The following RUBCNL variants were observed in gnomAD, a reference collection of about 807,000 sequenced individuals.
RUBCNL encodes rubicon like autophagy enhancer.
A neutral mutation model predicts 69.5 loss-of-function variants in RUBCNL; 62 were observed. That is an observed-to-expected ratio of 0.89 (90% CI 0.73 to 1.10). The LOEUF (loss-of-function observed/expected upper bound fraction) is 1.10. Ranked by LOEUF, RUBCNL falls within the 50% of genes least tolerant of loss-of-function variation. RUBCNL has a pLI of 0.00. For missense variants in RUBCNL, 768 were observed against 798.1 expected (o/e 0.96, Z 0.45); for synonymous variants, 291 against 303.6 (o/e 0.96, Z 0.43).
Position 46,359,540 on chromosome 13 carries a change from T to C in RUBCNL, c.1211A>G (p.Glu404Gly). 7 of 1,595,648 alleles carry C rather than the reference T, an allele frequency of 4.4e-6. No individual in the cohort carries two copies. Among genetic ancestry groups the C allele is most frequent in the Non-Finnish European group, 6.0e-6 (7 of 1,170,310 alleles). Residue 404 changes from glutamate to glycine, a missense_variant, in exon 9 of 15, where the codon GAA becomes GGA. Transcript: ENST00000429979. ...IKFKSRIRGTEDWAPPRFQII... is the reference protein window; with the variant it reads ...IKFKSRIRGTGDWAPPRFQII... Reference sequence around the variant, plus strand: ...TTGAAATCTAGGAGGAGCCCAGTCTTCAGTCCCTCTGATCCTAGACTTAAA... The same window carrying C: ...TTGAAATCTAGGAGGAGCCCAGTCTCCAGTCCCTCTGATCCTAGACTTAAA...
At chr13:46,354,576 C>G (rs1241462745) in intron 10 of RUBCNL, among the ~76,000 whole-genome samples, 1 of 152,212 alleles carries the variant, frequency 6.6e-6, no homozygotes, top group South Asian at 2.1e-4. Flanking sequence ...TCTGGCCACA[C>G]AGGGTTTCTT....
Position 46,363,194 on chromosome 13 carries a change from G to T in RUBCNL, c.846C>A (p.Val282=). The change falls in exon 6 of 15, where the codon GTC becomes GTA. Residue 282 remains valine (V), a synonymous_variant. Coordinates refer to ENST00000429979, the MANE Select transcript of RUBCNL (RefSeq NM_025113.5). ...AAGTACGTGTTTCAGTCACTGGGCTGACCTGTAACACAGCACAACCTAGAC... is the reference window on the plus strand; with the variant it reads ...AAGTACGTGTTTCAGTCACTGGGCTTACCTGTAACACAGCACAACCTAGAC... ...SGYEGCAVLQ[V]SPVTETRTYH... is the part of the protein sequence containing the mutation. 6.3e-7 allele frequency: 1 copy of T among 1,585,990 alleles called. No individual in the cohort carries two copies. The highest frequency in any genetic ancestry group is 1.1e-5 in the South Asian group (1 of 87,744).
chr13:46,387,253 A>G, upstream of RUBCNL: 1 of 985,152 alleles, frequency 1.0e-6, no homozygotes, highest in Non-Finnish European at 1.2e-6. Context: ...CAGAAAGGGG[A>G]GGGAGGAGAG....
rs1566058011 is a variant in RUBCNL, at chr13:46,341,926, A to C, written c.*1459T>G. 6.6e-6 allele frequency: 1 copy of C among 152,238 alleles called. No homozygotes were observed. The highest frequency in any genetic ancestry group is 1.5e-5 in the Non-Finnish European group (1 of 68,032). The allele number at this position is 152,238 out of a possible 1,614,324, so 9.4% of individuals were successfully genotyped here. On this transcript the variant is annotated 3_prime_UTR_variant, in exon 15 of 15. Coordinates refer to ENST00000429979, the MANE Select transcript of RUBCNL (RefSeq NM_025113.5). ...TGGAGATATAGACATCTGCCTCAGA[A>C]AGGAATGTGAACATACCACTCTTAC... is the stretch of plus-strand genomic sequence containing the variant.
chr13:46,345,737 A>T, intron 12 of RUBCNL, 137 bp from the exon 13 acceptor site: 1 of 831,182 alleles, frequency 1.2e-6, no homozygotes, highest in South Asian at 2.0e-5. Context: ...AGCTCCAAGA[A>T]CAACAGTGAA....
At chr13:46,361,413 T>A (rs763202695) in intron 8 of RUBCNL, 28 bp downstream of exon 8, 3 of 1,611,158 alleles carry the variant, frequency 1.9e-6, no homozygotes, top group African/African-American at 2.7e-5. Context: ...GAACTTTCAA[T>A]TCAAGGTCAA....
chr13:46,356,521 T>C, intron 9 of RUBCNL, 25 bp from the exon 10 acceptor site: 1 of 1,605,436 alleles, frequency 6.2e-7, no homozygotes, highest in Non-Finnish European at 8.5e-7. Flanking sequence ...TAATACTAGT[T>C]ACATTTCAGA....
chr13:46,388,199 C>CAAAAAAAAAA (rs71074779), upstream of RUBCNL, among the ~76,000 whole-genome samples: 40 of 68,200 alleles, frequency 5.9e-4, no homozygotes, highest in South Asian at 8.7e-4. Flanking sequence ...GCAAGACTGT[C>CAAAAAAAAAA]AAAAAAAAAA....
In RUBCNL at chr13:46,339,046, C is replaced by CA. The variant is rs57707207; in HGVS notation, c.*4338dup. Among the ~76,000 whole-genome samples, 12,458 of 128,714 alleles carry CA rather than the reference C, an allele frequency of 0.097. 1,156 individuals are homozygous for CA. The highest frequency in any genetic ancestry group is 0.34 in the East Asian group (1,521 of 4,524). 84.4% of individuals were successfully genotyped at this position (128,714 alleles called of 152,430 possible). ...TGGGCGACAGAGCGAGACCCTGTCTCAAAAAAAAAAAAAAAAGTGCAAGGA... is the reference window on the plus strand; with the variant it reads ...TGGGCGACAGAGCGAGACCCTGTCTCAAAAAAAAAAAAAAAAAGTGCAAGGA... On this transcript the variant is annotated 3_prime_UTR_variant, in exon 15 of 15. Transcript: ENST00000429979.
chr13:46,343,923 C>T (rs1044185749), intron 14 of RUBCNL, among the ~76,000 whole-genome samples: 3 of 152,108 alleles, frequency 2.0e-5, no homozygotes, highest in Admixed American at 6.6e-5. Flanking sequence ...GTGAGTAGGC[C>T]GGCCCCAATT....
chr13:46,356,587 T>C lies in RUBCNL; in HGVS notation c.1266-91A>G. 8 of 1,049,798 alleles carry C rather than the reference T, an allele frequency of 7.6e-6. No individual in the cohort carries two copies. The South Asian group carries it at 1.1e-4, about 15-fold the overall frequency. The allele number at this position is 1,049,798 out of a possible 1,614,324, so 65.0% of individuals were successfully genotyped here. A position where few individuals can be genotyped will look rare whatever the true frequency, so the allele number is the denominator to read the frequency against. Reference sequence around the variant, plus strand: ...GAAAAGAAATTGCCATCGTGATACTTTTCTAACTAAGGGCCTTAACTTTGT... The same window carrying C: ...GAAAAGAAATTGCCATCGTGATACTCTTCTAACTAAGGGCCTTAACTTTGT... On this transcript the variant is annotated intron_variant, in intron 9 of 14. Transcript: ENST00000429979.
In RUBCNL at chr13:46,362,232, G is replaced by A. The variant is rs187742; in HGVS notation, c.986+306C>T. Among the ~76,000 whole-genome samples the A allele has an allele frequency of 7.9e-5, 12 of 151,952 alleles. No homozygotes were observed. The East Asian group carries it at 1.9e-3, about 24-fold the overall frequency. On this transcript the variant is annotated intron_variant, in intron 7 of 14. Coordinates refer to ENST00000429979, the MANE Select transcript of RUBCNL (RefSeq NM_025113.5). Reference sequence around the variant, plus strand: ...ACCCTGGGTGACAAGAGCAAAACTCGGTCTCAAAAACAACAACAACAAAAA... The same window carrying A: ...ACCCTGGGTGACAAGAGCAAAACTCAGTCTCAAAAACAACAACAACAAAAA...
intron 5 of RUBCNL, among the ~76,000 whole-genome samples, chr13:46,363,980 T>C (rs749657559): frequency 6.0e-5 from 9 of 150,494 alleles, no homozygotes; most frequent in Non-Finnish European, 1.2e-4. Context: ...ATTATTAATA[T>C]AATTATATAA....
chr13:46,378,695 T>C (rs530572553), intron 1 of RUBCNL: 2 of 152,392 alleles, frequency 1.3e-5, no homozygotes, highest in South Asian at 2.1e-4. Context: ...AGTGCCACCA[T>C]GATGCCTACG....
Position 46,343,064 on chromosome 13 carries a change from A to C in RUBCNL, c.*321T>G. Reference sequence around the variant, plus strand: ...TAATTCATCTTGTCAGTTACAGTTCACATATATGCACACACATACAAACTG... The same window carrying C: ...TAATTCATCTTGTCAGTTACAGTTCCCATATATGCACACACATACAAACTG... On this transcript the variant is annotated 3_prime_UTR_variant, in exon 15 of 15. Coordinates refer to ENST00000429979, the MANE Select transcript of RUBCNL (RefSeq NM_025113.5). 1 of 322,816 alleles carries C rather than the reference A, an allele frequency of 3.1e-6. No homozygotes were observed. Among genetic ancestry groups the C allele is most frequent in the Non-Finnish European group, 5.7e-6 (1 of 176,178 alleles). 20.0% of individuals were successfully genotyped at this position (322,816 alleles called of 1,614,324 possible). A position where few individuals can be genotyped will look rare whatever the true frequency, so the allele number is the denominator to read the frequency against.
intron 11 of RUBCNL, 98 bp from the exon 12 acceptor site, chr13:46,349,445 C>T (rs1353096401): frequency 2.6e-6 from 3 of 1,175,372 alleles, no homozygotes; most frequent in South Asian, 1.3e-5. Flanking sequence ...GCTTGAAATG[C>T]TGCACTTGTA....
chr13:46,348,788 G>T (rs944803889), intron 12 of RUBCNL, among the ~76,000 whole-genome samples: 1 of 152,062 alleles, frequency 6.6e-6, no homozygotes, highest in Non-Finnish European at 1.5e-5. Context: ...AATTTTAGTA[G>T]AGACAGAGTT....
rs1262923760 is a variant in RUBCNL at position 46,339,075 on chromosome 13, A to T, written c.*4310T>A. 6.6e-6 allele frequency among the ~76,000 whole-genome samples: 1 copy of T among 151,908 alleles called. No individual in the cohort carries two copies. The highest frequency in any genetic ancestry group is 2.4e-5 in the African/African-American group (1 of 41,366). ...AAAAAAAAAAAAAGTGCAAGGAAAAATACACAATTTGCTTAACCTATGTGG... is the reference window on the plus strand; with the variant it reads ...AAAAAAAAAAAAAGTGCAAGGAAAATTACACAATTTGCTTAACCTATGTGG... On this transcript the variant is annotated 3_prime_UTR_variant, in exon 15 of 15. Coordinates refer to ENST00000429979, the MANE Select transcript of RUBCNL (RefSeq NM_025113.5).
chr13:46,370,697 C>T (rs190571695), intron 3 of RUBCNL, among the ~76,000 whole-genome samples: 2 of 152,220 alleles, frequency 1.3e-5, no homozygotes, highest in Admixed American at 6.5e-5. Flanking sequence ...AGAACTACTT[C>T]CTGTACCATG....
Sources: allele counts gnomAD v4.1 joint callset (sites outside exome capture counted in the v4.1 genomes callset), GRCh38; gene constraint gnomAD v4.1.1; transcripts MANE v1.5; gene names NCBI Gene and HGNC (gene_info 2026-07-23, HGNC 2026-07-21).